Variants in RBFOX1 observed in about 807,000 individuals in gnomAD.
The protein encoded by RBFOX1 is RNA binding protein fox-1 homolog 1.
A neutral mutation model predicts 57.7 loss-of-function variants in RBFOX1; 8 were observed. The ratio of observed to expected loss-of-function variants is 0.14; its 90% CI spans 0.08 to 0.25. RBFOX1 has a LOEUF of 0.25. RBFOX1 is among the 10% of genes least tolerant of loss of function. The pLI is 1.00. For missense variants in RBFOX1, 611 were observed against 548.5 expected (o/e 1.11, Z -1.14); for synonymous variants, 326 against 222.4 (o/e 1.47, Z -4.15).
At chr16:5,643,118 C>T (rs2048935380) in intron 3 of RBFOX1, among the ~76,000 whole-genome samples, 1 of 152,158 alleles carries the variant, frequency 6.6e-6, no homozygotes, top group Non-Finnish European at 1.5e-5. Context: ...GCCTCAGCAG[C>T]CAGCCTCTAG....
At chr16:6,515,504 T>A (rs1361407723) in intron 2 of RBFOX1, among the ~76,000 whole-genome samples, 1 of 152,232 alleles carries the variant, frequency 6.6e-6, no homozygotes, top group Non-Finnish European at 1.5e-5. Flanking sequence ...CATACCCAAA[T>A]GGCCAGTTAC....
At chr16:7,412,808 C>T (rs532393392) in intron 4 of RBFOX1, among the ~76,000 whole-genome samples, 4 of 152,196 alleles carry the variant, frequency 2.6e-5, no homozygotes, top group Admixed American at 1.3e-4. Flanking sequence ...TCTGGGAGGC[C>T]GAGGCAGGCG....
intron 4 of RBFOX1, among the ~76,000 whole-genome samples, chr16:7,165,443 A>G (rs956165959): frequency 7.1e-6 from 1 of 139,924 alleles, no homozygotes; most frequent in African/African-American, 2.8e-5. Context: ...TTATTTTACC[A>G]TTTGAGATGG....
chr16:6,760,697 A>G (rs1370154909), intron 3 of RBFOX1, among the ~76,000 whole-genome samples: 3 of 152,206 alleles, frequency 2.0e-5, no homozygotes, highest in Non-Finnish European at 4.4e-5. Context: ...CAAGGTTTGT[A>G]TTTAGGTTAT....
chr16:6,270,582 T>G (rs1408827697), intron 1 of RBFOX1, among the ~76,000 whole-genome samples: 1 of 151,600 alleles, frequency 6.6e-6, no homozygotes, highest in Non-Finnish European at 1.5e-5. Context: ...ACACAATATA[T>G]GAAGAAAGAA....
intron 3 of RBFOX1, among the ~76,000 whole-genome samples, chr16:5,822,125 C>A (rs2055878639): frequency 1.3e-5 from 2 of 152,198 alleles, no homozygotes; most frequent in Admixed American, 6.5e-5. Context: ...GAATTAACAG[C>A]ATTTGCAATG....
chr16:6,947,652 T>C (rs1349430249), intron 3 of RBFOX1, among the ~76,000 whole-genome samples: 2 of 152,248 alleles, frequency 1.3e-5, no homozygotes, highest in African/African-American at 4.8e-5. Context: ...TTAAGTTCTG[T>C]TCTATCGTTA....
At chr16:7,422,120 C>T (rs928078757) in intron 4 of RBFOX1, among the ~76,000 whole-genome samples, 1 of 152,240 alleles carries the variant, frequency 6.6e-6, no homozygotes, top group East Asian at 1.9e-4. Flanking sequence ...GCCTGTGATT[C>T]TGGGCCACAT....
intron 4 of RBFOX1, among the ~76,000 whole-genome samples, chr16:5,916,180 C>T (rs889987298): frequency 7.0e-6 from 1 of 143,742 alleles, no homozygotes; most frequent in Non-Finnish European, 1.5e-5. Flanking sequence ...TCTGAACTGT[C>T]TCCCTGACAC....
chr16:7,626,952 A>T (rs923297745), intron 10 of RBFOX1, among the ~76,000 whole-genome samples: 1 of 152,152 alleles, frequency 6.6e-6, no homozygotes, highest in Admixed American at 6.5e-5. Context: ...CAGACGACCA[A>T]TGTCTAAGTA....
intron 3 of RBFOX1, among the ~76,000 whole-genome samples, chr16:5,717,503 C>CT (rs1459068184): frequency 6.6e-6 from 1 of 152,170 alleles, no homozygotes; most frequent in Non-Finnish European, 1.5e-5. Context: ...CTCTCACCCC[C>CT]TCCCACCCTT....
chr16:6,223,149 C>A (rs1036386883), intron 1 of RBFOX1, among the ~76,000 whole-genome samples: 23 of 150,382 alleles, frequency 1.5e-4, no homozygotes, highest in Non-Finnish European at 7.4e-5. Context: ...TGGATAGTGC[C>A]ACAATAAACA....
chr16:7,194,005 G>A (rs7200414), intron 4 of RBFOX1, among the ~76,000 whole-genome samples: 1 of 151,542 alleles, frequency 6.6e-6, no homozygotes, highest in African/African-American at 2.4e-5. Flanking sequence ...AGTATAAGCC[G>A]TATCATATTA....
intron 2 of RBFOX1, among the ~76,000 whole-genome samples, chr16:6,448,836 C>A (rs892832930): frequency 2.0e-5 from 3 of 152,122 alleles, no homozygotes; most frequent in Non-Finnish European, 4.4e-5. Flanking sequence ...TATGTAGCCA[C>A]TATTTTTGTA....
At chr16:7,332,724 G>A in intron 4 of RBFOX1, 5 of 1,269,290 alleles carry the variant, frequency 3.9e-6, no homozygotes, top group Non-Finnish European at 5.1e-6. Context: ...GGTTAGTCAT[G>A]TTAGGCAAGC....
intron 3 of RBFOX1, among the ~76,000 whole-genome samples, chr16:6,813,933 T>G (rs1567365339): frequency 6.6e-6 from 1 of 152,128 alleles, no homozygotes; most frequent in African/African-American, 2.4e-5. Flanking sequence ...TTCCTCAAGT[T>G]ACCCAGCAAA....
intron 1 of RBFOX1, among the ~76,000 whole-genome samples, chr16:5,253,841 A>T (rs984284130): frequency 1.1e-4 from 16 of 152,104 alleles, no homozygotes; most frequent in Middle Eastern, 3.4e-3. Flanking sequence ...GCCTGGAAAG[A>T]TTTTCCCTCT....
At chr16:6,851,280 G>T (rs1357629091) in intron 3 of RBFOX1, among the ~76,000 whole-genome samples, 2 of 152,146 alleles carry the variant, frequency 1.3e-5, no homozygotes, top group Non-Finnish European at 2.9e-5. Context: ...AGGAGTGAGA[G>T]GTGTGGAGTG....
At chr16:5,454,907 T>TTCCTTCC (rs1567535267) in intron 1 of RBFOX1, among the ~76,000 whole-genome samples, 3 of 107,538 alleles carry the variant, frequency 2.8e-5, no homozygotes, top group African/African-American at 9.5e-5. Context: ...TCTTTCTTTC[T>TTCCTTCC]TTCTTTCCTT....
Sources: allele counts gnomAD v4.1 joint callset (sites outside exome capture counted in the v4.1 genomes callset), GRCh38; gene constraint gnomAD v4.1.1; transcripts MANE v1.5; gene names NCBI Gene and HGNC (gene_info 2026-07-23, HGNC 2026-07-21).